Variants in CBLB observed in about 807,000 individuals in gnomAD.
CBLB encodes Cbl proto-oncogene B, also known as E3 ubiquitin-protein ligase CBL-B.
A neutral mutation model predicts 104.9 loss-of-function variants in CBLB; 31 were observed. The ratio of observed to expected loss-of-function variants is 0.30; its 90% CI spans 0.22 to 0.40. CBLB has a LOEUF of 0.40. Among genes scored for constraint, CBLB ranks in the 10% least tolerant of loss-of-function variants. The pLI, the probability that CBLB is intolerant of heterozygous loss-of-function variation, is 1.00. For synonymous variants in CBLB, 440 were observed against 422.6 expected, an observed-to-expected ratio of 1.04 and a Z score of -0.51; for missense variants, 1,062 against 1,214.6, an observed-to-expected ratio of 0.87 and a Z score of 1.87.
Position 105,738,663 on chromosome 3 carries a change from G to A in CBLB, c.984-1405C>T, listed in dbSNP as rs755891903. On this transcript the variant is annotated intron_variant, in intron 7 of 18. Transcript: ENST00000394030. The stretch of plus-strand genomic sequence containing the variant: ...TTAAAGGTTCTTTTTAACCTATCAG[G>A]AGGTTGTTGATAGGTTCTACTTATA... 1.4e-4 allele frequency among the ~76,000 whole-genome samples: 21 copies of A among 151,974 alleles called. 1 individual carries two copies. Among genetic ancestry groups the A allele is most frequent in the Non-Finnish European group, 7.4e-5 (5 of 67,988 alleles).
intron 2 of CBLB, among the ~76,000 whole-genome samples, chr3:105,862,421 A>C (rs2092164220): frequency 6.6e-6 from 1 of 151,988 alleles, no homozygotes; most frequent in African/African-American, 2.4e-5. Flanking sequence ...CTTTCACTGC[A>C]CCTTCTCTTT....
chr3:105,799,177 C>CAAAA (rs11372400), intron 3 of CBLB, among the ~76,000 whole-genome samples: 1 of 70,194 alleles, frequency 1.4e-5, no homozygotes, highest in African/African-American at 4.6e-5. Context: ...TGACAAAGAA[C>CAAAA]AAAAAAAAAA....
chr3:105,735,096 G>A (rs2074760366), intron 8 of CBLB, among the ~76,000 whole-genome samples: 1 of 152,162 alleles, frequency 6.6e-6, no homozygotes, highest in African/African-American at 2.4e-5. Context: ...AATGTGCCTG[G>A]CACGGAGTAG....
In CBLB at chr3:105,693,548, A is replaced by C. The variant is rs763082999; in HGVS notation, c.2000T>G (p.Val667Gly). 3.1e-6 allele frequency: 5 copies of C among 1,612,706 alleles called. No homozygotes were observed. In the Admixed American group the frequency reaches 5.0e-5, roughly 16 times the overall value. ...NGHLGSEEYD[V>G]PPRLSPPPPV... ...AGGAGGAGGAGAAAGCCGGGGAGGA[A>C]CATCATATTCTTCACTTCCAAGGTG... is the stretch of plus-strand genomic sequence containing the variant. Residue 667 changes from valine (V) to glycine (G), a missense_variant, in exon 13 of 19, where the codon GTT (valine) becomes GGT (glycine). Physicochemically the swap from Val to Gly is moderately radical, Grantham distance 109 (BLOSUM62 -3). This residue lies in a region of CBLB where 605 missense variants were observed against 582.6 expected (regional missense o/e 1.04). Coordinates refer to ENST00000394030, the MANE Select transcript of CBLB (RefSeq NM_170662.5).
chr3:105,742,038 T>C (rs1007745698), intron 6 of CBLB, among the ~76,000 whole-genome samples: 2 of 152,206 alleles, frequency 1.3e-5, no homozygotes, highest in African/African-American at 4.8e-5. Context: ...AAATCCATCA[T>C]TATCATTTAT....
intron 3 of CBLB, among the ~76,000 whole-genome samples, chr3:105,807,886 T>G (rs28715909): frequency 0.16 from 24,692 of 152,132 alleles, 2,263 homozygotes; most frequent in South Asian, 0.3. Context: ...ATGATACAAC[T>G]AGTTGGAAAT....
chr3:105,773,355 G>C (rs986438188), intron 4 of CBLB, among the ~76,000 whole-genome samples: 4 of 152,186 alleles, frequency 2.6e-5, no homozygotes, highest in African/African-American at 9.6e-5. Flanking sequence ...AAAGGCATAA[G>C]AATGATATAA....
At chr3:105,790,427 T>G (rs1215922829) in intron 3 of CBLB, among the ~76,000 whole-genome samples, 1 of 152,236 alleles carries the variant, frequency 6.6e-6, no homozygotes, top group Non-Finnish European at 1.5e-5. Flanking sequence ...GTTTTCAGAT[T>G]GATTTTATAT....
rs2063531734 is a variant in CBLB, at chr3:105,659,107, T to C, written c.2812A>G (p.Lys938Glu). The C allele has an allele frequency of 1.9e-6, 3 of 1,613,942 alleles. No individual in the cohort carries two copies. Among genetic ancestry groups the C allele is most frequent in the Non-Finnish European group, 2.5e-6 (3 of 1,179,956 alleles). The change falls in exon 19 of 19, where the codon AAA (lysine) becomes GAA (glutamate). Residue 938 changes from lysine (K) to glutamate (E), a missense_variant. This residue lies in a region of CBLB where 605 missense variants were observed against 582.6 expected (regional missense o/e 1.04). Transcript: ENST00000394030. ...AAGGCATAACCCTCTCCCATGAGTTTTGCAATTTTTGCATCGACATTTTCC... is the reference window on the plus strand; with the variant it reads ...AAGGCATAACCCTCTCCCATGAGTTCTGCAATTTTTGCATCGACATTTTCC... The part of the protein sequence containing the change: ...ALENVDAKIA[K>E]LMGEGYAFEE...
chr3:105,706,444 G>A (rs111974723), intron 10 of CBLB, among the ~76,000 whole-genome samples: 1 of 152,128 alleles, frequency 6.6e-6, no homozygotes, highest in African/African-American at 2.4e-5. Flanking sequence ...CTTGAGTACA[G>A]CCAGTGATTC....
chr3:105,737,037 C>T lies in CBLB; in HGVS notation c.1071+134G>A, dbSNP rs2075025821. The T allele has an allele frequency of 9.4e-6, 4 of 427,426 alleles. No homozygotes were observed. In the Middle Eastern group the frequency reaches 1.5e-3, roughly 162 times the overall value. The allele number at this position is 427,426 out of a possible 1,614,324, so 26.5% of individuals were successfully genotyped here. A position where few individuals can be genotyped will look rare whatever the true frequency, so the allele number is the denominator to read the frequency against. On this transcript the variant is annotated intron_variant, in intron 8 of 18. Transcript: ENST00000394030. ...GAAAGTAATATAATTTCTCCTTAAA[C>T]ACTCTTAGAATTCCTTAAGTATATT...
At chr3:105,734,747 T>G (rs932048061) in intron 8 of CBLB, among the ~76,000 whole-genome samples, 2 of 152,226 alleles carry the variant, frequency 1.3e-5, no homozygotes, top group Non-Finnish European at 2.9e-5. Context: ...TTAACTTGTT[T>G]GCTTCAAACT....
chr3:105,858,734 C>T (rs1343171302), intron 2 of CBLB, among the ~76,000 whole-genome samples: 5 of 152,102 alleles, frequency 3.3e-5, no homozygotes, highest in Admixed American at 2.0e-4. Context: ...TTCCTTTTGA[C>T]GTGTCAATAT....
At chr3:105,770,546 C>T (rs1439673846) in intron 4 of CBLB, among the ~76,000 whole-genome samples, 2 of 152,146 alleles carry the variant, frequency 1.3e-5, no homozygotes, top group Non-Finnish European at 2.9e-5. Context: ...GAAAGAACCT[C>T]CCAACTGAAT....
intron 3 of CBLB, among the ~76,000 whole-genome samples, chr3:105,821,281 T>TATCTATCTATCA: frequency 6.6e-6 from 1 of 151,922 alleles, no homozygotes; most frequent in South Asian, 2.1e-4. Flanking sequence ...TCTATCTATC[T>TATCTATCTATCA]ATCTATCTAT....
chr3:105,709,205 C>T (rs907344134), intron 10 of CBLB, among the ~76,000 whole-genome samples: 2 of 151,918 alleles, frequency 1.3e-5, no homozygotes, highest in Admixed American at 1.3e-4. Context: ...TTTAATTTAA[C>T]ATGATTAGGC....
Position 105,834,911 on chromosome 3 carries a change from T to G in CBLB, c.419+18503A>C, listed in dbSNP as rs369425620. ...AGGAAAAGATCATCCATGGGACACT[T>G]TATTGGAAGCTTTTCTTGTTTACCA... On this transcript the variant is annotated intron_variant, in intron 3 of 18. Coordinates refer to ENST00000394030, the MANE Select transcript of CBLB (RefSeq NM_170662.5). 3.9e-5 allele frequency among the ~76,000 whole-genome samples: 6 copies of G among 152,280 alleles called. No individual in the cohort carries two copies. The East Asian group carries it at 7.7e-4, about 20-fold the overall frequency.
intron 12 of CBLB, among the ~76,000 whole-genome samples, chr3:105,699,592 G>A (rs1366729202): frequency 1.3e-5 from 2 of 152,138 alleles, no homozygotes; most frequent in African/African-American, 4.8e-5. Flanking sequence ...AAGTGATTAT[G>A]TCAGTTGTTA....
At chr3:105,788,628 C>G (rs1471189606) in intron 3 of CBLB, among the ~76,000 whole-genome samples, 1 of 152,140 alleles carries the variant, frequency 6.6e-6, no homozygotes, top group Non-Finnish European at 1.5e-5. Flanking sequence ...CTTCTGATCC[C>G]TAAAACATAC....
Sources: gnomAD v4.1 joint callset for allele counts (sites outside exome capture counted in the v4.1 genomes callset) on GRCh38, gnomAD v4.1.1 for gene constraint, gnomAD v4.1.1 regional missense constraint, MANE v1.5 for transcripts, NCBI Gene and HGNC (gene_info 2026-07-23, HGNC 2026-07-21) for gene names.